Variants in AGAP1 observed in about 807,000 individuals in gnomAD.
The protein encoded by AGAP1 is ArfGAP with GTPase domain, ankyrin repeat and PH domain 1.
Under a neutral mutation model 105.3 loss-of-function variants are expected in AGAP1, and 29 were observed. The observed-to-expected ratio is 0.28, with a 90% CI of 0.21 to 0.38. The LOEUF (loss-of-function observed/expected upper bound fraction) is 0.38. Ranked by LOEUF, AGAP1 falls within the 10% of genes least tolerant of loss-of-function variation. The pLI, the probability that AGAP1 is intolerant of heterozygous loss-of-function variation, is 1.00. For synonymous variants in AGAP1, 509 were observed against 485.9 expected, an observed-to-expected ratio of 1.05 and a Z score of -0.63; for missense variants, 998 against 1,165.1, an observed-to-expected ratio of 0.86 and a Z score of 2.09.
At chr2:235,996,972 T>G (rs553171662) in intron 13 of AGAP1, among the ~76,000 whole-genome samples, 1 of 152,358 alleles carries the variant, frequency 6.6e-6, no homozygotes, top group East Asian at 1.9e-4. Flanking sequence ...ACTGAATGTA[T>G]GTATCATTGA....
At chr2:235,876,461 G>A (rs2049730630) in intron 9 of AGAP1, among the ~76,000 whole-genome samples, 1 of 152,128 alleles carries the variant, frequency 6.6e-6, no homozygotes, top group Admixed American at 6.5e-5. Flanking sequence ...CCTCTCTCAT[G>A]GCTCCTCCCC....
intron 1 of AGAP1, among the ~76,000 whole-genome samples, chr2:235,674,225 TAGC>T (rs1347525390): frequency 1.3e-4 from 20 of 152,328 alleles, no homozygotes; most frequent in African/African-American, 3.8e-4. Context: ...TTGCAACTGA[TAGC>T]AGCAAGCCAG....
intron 9 of AGAP1, among the ~76,000 whole-genome samples, chr2:235,871,109 A>AG (rs965676686): frequency 1.3e-5 from 2 of 152,196 alleles, no homozygotes; most frequent in African/African-American, 4.8e-5. Context: ...ACACCATTGA[A>AG]GGGGTCCTCA....
At chr2:235,846,131 G>A (rs981651121) in intron 9 of AGAP1, among the ~76,000 whole-genome samples, 5 of 152,156 alleles carry the variant, frequency 3.3e-5, no homozygotes, top group Non-Finnish European at 5.9e-5. Context: ...AAGTCATTGA[G>A]TTTGAAAGAG....
At chr2:235,956,249 C>T (rs937798205) in intron 12 of AGAP1, among the ~76,000 whole-genome samples, 2 of 152,182 alleles carry the variant, frequency 1.3e-5, no homozygotes, top group Non-Finnish European at 1.5e-5. Flanking sequence ...CGCTGCGCAT[C>T]GTGCCTTCCC....
At position 235,712,390 on chromosome 2, in the gene AGAP1, C is replaced by T. The variant is rs1950900083; in HGVS notation, c.222+3153C>T. ...GCTTTTGGTGCTGCACAGGAGCCAA[C>T]CGCTGCTGGCTGCAGATGTGTGCCC... On this transcript the variant is annotated intron_variant, in intron 2 of 17. Transcript: ENST00000304032. This position sits in a 1 kb window ranked among gnomAD's most constrained non-coding sequence, Gnocchi z 6.0. Among the ~76,000 whole-genome samples the T allele has an allele frequency of 2.0e-5, 3 of 152,244 alleles. No homozygotes were observed. The South Asian group carries it at 6.2e-4, about 32-fold the overall frequency.
At chr2:235,572,995 TTCTTCTTCTTC>T (rs1944587524) in intron 1 of AGAP1, among the ~76,000 whole-genome samples, 1 of 21,958 alleles carries the variant, frequency 4.6e-5, no homozygotes, top group Non-Finnish European at 8.1e-5. Flanking sequence ...CTTCTTCTTC[TTCTTCTTCTTC>T]TTCTTCTTCT....
rs889534379 is a variant in AGAP1, at chr2:235,663,822, G to A, written c.164-45357G>A. ...GCATGAAGACCATCGTACAGATGGC[G>A]ATATTAGAAGAGTTCCCTCCCGTGA... On this transcript the variant is annotated intron_variant, in intron 1 of 17. Coordinates refer to ENST00000304032, the MANE Select transcript of AGAP1 (RefSeq NM_001037131.3). This position sits in a 1 kb window ranked among gnomAD's most constrained non-coding sequence, Gnocchi z 5.4. Among the ~76,000 whole-genome samples, 1 of 152,184 alleles carries A rather than the reference G, an allele frequency of 6.6e-6. No individual in the cohort carries two copies. Among genetic ancestry groups the A allele is most frequent in the African/African-American group, 2.4e-5 (1 of 41,452 alleles).
rs1184991054 is a variant in AGAP1 at position 235,787,007 on chromosome 2, C to T, written c.674-10752C>T. 2.0e-5 allele frequency among the ~76,000 whole-genome samples: 3 copies of T among 152,182 alleles called. No individual in the cohort carries two copies. Among genetic ancestry groups the T allele is most frequent in the African/African-American group, 7.2e-5 (3 of 41,462 alleles). On this transcript the variant is annotated intron_variant, in intron 6 of 17. Transcript: ENST00000304032. The surrounding 1 kb of genome is among the most constrained non-coding windows in gnomAD (Gnocchi z 4.4). ...CAGGCTTCCTTGAGGGAGCTGTCGC[C>T]CCCCAAATCAGGGTCTTGACACCAG... is the stretch of plus-strand genomic sequence containing the variant.
At chr2:235,546,492 C>T (rs1943625619) in intron 1 of AGAP1, among the ~76,000 whole-genome samples, 1 of 152,128 alleles carries the variant, frequency 6.6e-6, no homozygotes, top group Non-Finnish European at 1.5e-5. Flanking sequence ...CAGAGCTGTG[C>T]CTGGGACCCG....
At chr2:235,598,001 C>T (rs1238233135) in intron 1 of AGAP1, among the ~76,000 whole-genome samples, 1 of 124,138 alleles carries the variant, frequency 8.1e-6, no homozygotes, top group African/African-American at 3.4e-5. Flanking sequence ...CTGTGTGGAG[C>T]GTGCACGCGC....
rs182077903 is a variant in AGAP1, at chr2:235,974,975, A to C, written c.1645+6352A>C. On this transcript the variant is annotated intron_variant, in intron 13 of 17. Coordinates refer to ENST00000304032, the MANE Select transcript of AGAP1 (RefSeq NM_001037131.3). ...GAGGATGTCAGGCAGAATATTCGAG[A>C]AAGGCATGGGAATTCAGAAGAAGCA... 1.1e-3 allele frequency among the ~76,000 whole-genome samples: 164 copies of C among 152,380 alleles called. 1 individual carries two copies. Among genetic ancestry groups the C allele is most frequent in the Non-Finnish European group, 2.2e-3 (149 of 68,042 alleles).
At position 236,067,475 on chromosome 2, in the gene AGAP1, A is replaced by T. The variant is rs73996513; in HGVS notation, c.2114+18194A>T. Among the ~76,000 whole-genome samples the T allele has an allele frequency of 5.3e-3, 806 of 152,324 alleles. 6 individuals carry two copies. The highest frequency in any genetic ancestry group is 0.018 in the African/African-American group (739 of 41,564). ...ATGAAAAATACTATGTCTACCTGTC[A>T]TATTTGCTATAATGCTAAATCAGGT... is the stretch of plus-strand genomic sequence containing the variant. On this transcript the variant is annotated intron_variant, in intron 16 of 17. Transcript: ENST00000304032.
chr2:235,892,152 CAAAAA>C (rs76856873), intron 10 of AGAP1, among the ~76,000 whole-genome samples: 1 of 136,470 alleles, frequency 7.3e-6, no homozygotes, highest in Non-Finnish European at 1.6e-5. Flanking sequence ...ACTCCCATCT[CAAAAA>C]AAAAAAAAAG....
Position 235,882,529 on chromosome 2 carries a change from C to G in AGAP1, c.1051-816C>G. ...CAATCGGTACCATCCGTGGCGGGCT[C>G]TTAGCTCACTGCAACACTCTGCCTC... is the stretch of plus-strand genomic sequence containing the variant. On this transcript the variant is annotated intron_variant, in intron 9 of 17. Transcript: ENST00000304032. This position sits in a 1 kb window ranked among gnomAD's most constrained non-coding sequence, Gnocchi z 4.6. The G allele has an allele frequency of 8.6e-7, 1 of 1,159,820 alleles. No homozygotes were observed. Among genetic ancestry groups the G allele is most frequent in the Non-Finnish European group, 1.3e-6 (1 of 796,626 alleles). The allele number at this position is 1,159,820 out of a possible 1,614,324, so 71.8% of individuals were successfully genotyped here. A position where few individuals can be genotyped will look rare whatever the true frequency, so the allele number is the denominator to read the frequency against.
rs1575287994 is a variant in AGAP1 at position 235,741,197 on chromosome 2, A to G, written c.396+149A>G. 1 of 590,592 alleles carries G rather than the reference A, an allele frequency of 1.7e-6. No individual in the cohort carries two copies. The highest frequency in any genetic ancestry group is 2.8e-6 in the Non-Finnish European group (1 of 356,750). The allele number at this position is 590,592 out of a possible 1,614,324, so 36.6% of individuals were successfully genotyped here. On this transcript the variant is annotated intron_variant, in intron 4 of 17. Coordinates refer to ENST00000304032, the MANE Select transcript of AGAP1 (RefSeq NM_001037131.3). This position sits in a 1 kb window ranked among gnomAD's most constrained non-coding sequence, Gnocchi z 4.9. ...TTTCCTCTCACTGCATTTTTTTCTC[A>G]TCTCTAAGAAGCTAATTCTTTTTTT...
chr2:235,881,638 A>G (rs905678621), intron 9 of AGAP1, among the ~76,000 whole-genome samples: 3 of 152,238 alleles, frequency 2.0e-5, no homozygotes, highest in African/African-American at 7.2e-5. Context: ...CAGGCTGAGC[A>G]GGAGAGAATC....
rs2050382882 is a variant in AGAP1, at chr2:235,888,704, T to C, written c.1155+5255T>C. Reference sequence around the variant, plus strand: ...TGGGCGACCATGCAAGACCCTGTCTTTAAAAAAAAAAAAAAAGTTGATAGA... The same window carrying C: ...TGGGCGACCATGCAAGACCCTGTCTCTAAAAAAAAAAAAAAAGTTGATAGA... On this transcript the variant is annotated intron_variant, in intron 10 of 17. Transcript: ENST00000304032. The surrounding 1 kb of genome is among the most constrained non-coding windows in gnomAD (Gnocchi z 4.8). 6.8e-6 allele frequency among the ~76,000 whole-genome samples: 1 copy of C among 146,574 alleles called. No individual in the cohort carries two copies. Among genetic ancestry groups the C allele is most frequent in the East Asian group, 2.0e-4 (1 of 5,114 alleles).
chr2:235,617,918 C>A (rs771011942), intron 1 of AGAP1, among the ~76,000 whole-genome samples: 1 of 152,022 alleles, frequency 6.6e-6, no homozygotes, highest in African/African-American at 2.4e-5. Context: ...ACTAAGATGG[C>A]AGTTGGGGGA....
Sources: allele counts gnomAD v4.1 joint callset (sites outside exome capture counted in the v4.1 genomes callset), GRCh38; gene constraint gnomAD v4.1.1; non-coding constraint Gnocchi (gnomAD v3.1); transcripts MANE v1.5; gene names NCBI Gene and HGNC (gene_info 2026-07-23, HGNC 2026-07-21).